FGF13: variants seen among roughly 807,000 people sequenced by gnomAD.
FGF13 encodes the protein fibroblast growth factor homologous factor 2.
FGF13 carries 2 observed loss-of-function variants against 19.5 expected under a neutral mutation model. The observed-to-expected ratio is 0.10, with a 90% confidence interval of 0.04 to 0.32. FGF13 has a LOEUF of 0.32. Ranked by LOEUF, FGF13 falls within the 10% of genes least tolerant of loss-of-function variation. The pLI is 1.00. For synonymous variants in FGF13, 72 were observed against 76.9 expected, an observed-to-expected ratio of 0.94 and a Z score of 0.33; for missense variants, 113 against 192.7, an observed-to-expected ratio of 0.59 and a Z score of 2.45.
Position 138,620,808 on chromosome X carries a change from A to G in FGF13, c.*12042T>C. The G allele has an allele frequency of 8.9e-6, 1 of 111,825 alleles. No homozygotes were observed. Among genetic ancestry groups the G allele is most frequent in the Non-Finnish European group, 1.9e-5 (1 of 53,151 alleles). The allele number at this position is 111,825 out of a possible 1,213,427, so 9.2% of individuals were successfully genotyped here. A position where few individuals can be genotyped will look rare whatever the true frequency, so the allele number is the denominator to read the frequency against. ...GATTAAAAAGATATTGCATGTAAAT[A>G]GAAACCAGAAAGAAGCAGAGACACC... On this transcript the variant is annotated 3_prime_UTR_variant, in exon 5 of 5. Transcript: ENST00000315930.
chrX:138,743,844 GT>G (rs2090336842), upstream of FGF13, among the ~76,000 whole-genome samples: 1 of 110,988 alleles, frequency 9.0e-6, no homozygotes, highest in Non-Finnish European at 1.9e-5. Context: ...GAGAGGTGAA[GT>G]TTTTTGTTCA....
At chrX:139,065,651 CG>C (rs1481020517) in intron 1 of FGF13, among the ~76,000 whole-genome samples, 1 of 110,613 alleles carries the variant, frequency 9.0e-6, no homozygotes, top group African/African-American at 3.3e-5. Flanking sequence ...GCACCCAAAA[CG>C]GGAGTACCCA....
intron 1 of FGF13, among the ~76,000 whole-genome samples, chrX:138,916,028 C>T (rs1274789108): frequency 8.9e-6 from 1 of 111,896 alleles, no homozygotes; most frequent in Non-Finnish European, 1.9e-5. Context: ...ATATGAACAG[C>T]AAGCAGCTCT....
intron 1 of FGF13, among the ~76,000 whole-genome samples, chrX:139,142,194 T>C (rs1284124759): frequency 8.9e-6 from 1 of 112,129 alleles, no homozygotes; most frequent in Non-Finnish European, 1.9e-5. Context: ...TCAGTTATGA[T>C]AAATGTGTCT....
At chrX:138,719,708 T>C (rs2090134451) in intron 1 of FGF13, among the ~76,000 whole-genome samples, 1 of 112,630 alleles carries the variant, frequency 8.9e-6, no homozygotes, top group African/African-American at 3.2e-5. Flanking sequence ...TTCACTTCCA[T>C]ACTCGGAAGC....
At chrX:138,868,054 T>G (rs1273141070) in intron 1 of FGF13, among the ~76,000 whole-genome samples, 1 of 111,529 alleles carries the variant, frequency 9.0e-6, no homozygotes, top group African/African-American at 3.3e-5. Flanking sequence ...TCAAATTGAC[T>G]AATAGTATTT....
At chrX:139,200,436 A>G (rs1206795880) in intron 1 of FGF13, among the ~76,000 whole-genome samples, 1 of 112,226 alleles carries the variant, frequency 8.9e-6, no homozygotes, top group East Asian at 2.8e-4. Context: ...GAAGTGAACA[A>G]AAAACGAACT....
intron 1 of FGF13, among the ~76,000 whole-genome samples, chrX:139,178,564 G>T (rs2084212012): frequency 8.9e-6 from 1 of 111,958 alleles, no homozygotes; most frequent in Non-Finnish European, 1.9e-5. Flanking sequence ...AGGAATTTTT[G>T]CATTATTTCA....
At chrX:138,812,270 G>C (rs1314124052) in intron 3 of FGF13, among the ~76,000 whole-genome samples, 1 of 111,979 alleles carries the variant, frequency 8.9e-6, no homozygotes, top group Non-Finnish European at 1.9e-5. Context: ...TAGTAGTACA[G>C]ACAGCCCACA....
chrX:139,162,903 A>C (rs748525077), intron 1 of FGF13, among the ~76,000 whole-genome samples: 2 of 112,346 alleles, frequency 1.8e-5, no homozygotes, highest in Non-Finnish European at 3.8e-5. Context: ...CAGATGCTAC[A>C]GAGGATGTGG....
At chrX:138,722,326 A>G (rs981876370) in intron 1 of FGF13, among the ~76,000 whole-genome samples, 1 of 111,679 alleles carries the variant, frequency 9.0e-6, no homozygotes, top group African/African-American at 3.3e-5. Context: ...ATCTATTTGA[A>G]TAATCTCCCA....
chrX:139,170,179 AC>A (rs1271465507), intron 1 of FGF13, among the ~76,000 whole-genome samples: 6 of 110,805 alleles, frequency 5.4e-5, no homozygotes, highest in Admixed American at 1.9e-4. Flanking sequence ...CTTTCAGTCC[AC>A]CCTCTGTCTT....
At chrX:138,673,496 C>T (rs971038973) in intron 3 of FGF13, among the ~76,000 whole-genome samples, 2 of 111,266 alleles carry the variant, frequency 1.8e-5, no homozygotes, top group Admixed American at 9.6e-5. Context: ...AAGGGGACAA[C>T]GGTGGGAATT....
At chrX:139,086,955 G>A (rs1002506465) in intron 1 of FGF13, among the ~76,000 whole-genome samples, 1 of 112,327 alleles carries the variant, frequency 8.9e-6, no homozygotes, top group African/African-American at 3.2e-5. Context: ...TGTTATCATA[G>A]TCATAGAACG....
At chrX:138,939,031 G>A (rs1168201451) in intron 1 of FGF13, among the ~76,000 whole-genome samples, 1 of 112,048 alleles carries the variant, frequency 8.9e-6, no homozygotes, top group East Asian at 2.8e-4. Flanking sequence ...ATGTTGAGGT[G>A]GTTGGCTTTA....
chrX:139,085,254 A>G (rs1462297880), intron 1 of FGF13, among the ~76,000 whole-genome samples: 1 of 112,292 alleles, frequency 8.9e-6, no homozygotes, highest in African/African-American at 3.2e-5. Context: ...TACTGGATCT[A>G]GAACCCAAAA....
chrX:138,866,471 T>C (rs1287865887), intron 1 of FGF13, among the ~76,000 whole-genome samples: 1 of 112,202 alleles, frequency 8.9e-6, no homozygotes, highest in African/African-American at 3.2e-5. Context: ...TCTCCTCTCT[T>C]AAGAAGAAGG....
intron 1 of FGF13, among the ~76,000 whole-genome samples, chrX:139,052,031 G>C (rs1486445327): frequency 9.0e-6 from 1 of 111,710 alleles, no homozygotes; most frequent in Non-Finnish European, 1.9e-5. Flanking sequence ...TTATATATTG[G>C]TTTTTGTATG....
intron 1 of FGF13, among the ~76,000 whole-genome samples, chrX:139,158,587 G>A (rs2084000374): frequency 9.0e-6 from 1 of 111,321 alleles, no homozygotes; most frequent in African/African-American, 3.3e-5. Flanking sequence ...ATCTCTGAAA[G>A]AAAGTAATTG....
Sources: gnomAD v4.1 joint callset for allele counts (sites outside exome capture counted in the v4.1 genomes callset) on GRCh38, gnomAD v4.1.1 for gene constraint, MANE v1.5 for transcripts, NCBI Gene and HGNC (gene_info 2026-07-23, HGNC 2026-07-21) for gene names.